Variants in LARP1 observed in about 807,000 individuals in gnomAD.
LARP1 encodes the protein La ribonucleoprotein 1, translational regulator.
LARP1 carries 36 observed loss-of-function variants against 122.7 expected under a neutral mutation model. The observed-to-expected ratio is 0.29, with a 90% CI of 0.22 to 0.39. The LOEUF (loss-of-function observed/expected upper bound fraction) is 0.39, where lower values mean the gene tolerates loss of function less well. Among genes scored for constraint, LARP1 ranks in the 10% least tolerant of loss-of-function variants. The probability of loss-of-function intolerance (pLI) is 1.00; values close to 1 mark genes in which losing one functional copy is unlikely to be tolerated. For synonymous variants in LARP1, 539 were observed against 528.7 expected (o/e 1.02, Z -0.27); for missense variants, 1,040 against 1,403.6 (o/e 0.74, Z 4.14).
chr5:154,777,215 T>C (rs1266049617), intron 1 of LARP1, among the ~76,000 whole-genome samples: 2 of 152,114 alleles, frequency 1.3e-5, no homozygotes, highest in Non-Finnish European at 2.9e-5. Context: ...GAAAAAGTAT[T>C]GTAGGTCGGC....
intron 18 of LARP1, 66 bp from the exon 19 acceptor site, chr5:154,813,821 G>A (rs189732701): frequency 6.7e-6 from 9 of 1,337,790 alleles, no homozygotes; most frequent in African/African-American, 1.4e-5. Context: ...GTGTCTAGAC[G>A]GGCCTGGCAA....
At position 154,700,965 on chromosome 5, in the gene LARP1, CA is replaced by C. The variant is rs796380216; in HGVS notation, c.-180+17939del. On this transcript the variant is annotated intron_variant, in intron 1 of 18. Transcript: ENST00000687700. ...TGGGTGTCAGAGAGAGACTCCATCT[CA>C]AAAAAAAAAAGAAAAAAATATTTGT... Among the ~76,000 whole-genome samples the C allele has an allele frequency of 4.9e-4, 68 of 137,720 alleles. 1 individual carries two copies. The highest frequency in any genetic ancestry group is 1.5e-3 in the Admixed American group (20 of 13,608). 90.3% of individuals were successfully genotyped at this position (137,720 alleles called of 152,430 possible). A position where few individuals can be genotyped will look rare whatever the true frequency, so the allele number is the denominator to read the frequency against.
intron 1 of LARP1, among the ~76,000 whole-genome samples, chr5:154,728,416 C>T (rs1020579831): frequency 1.3e-5 from 2 of 152,166 alleles, no homozygotes; most frequent in African/African-American, 4.8e-5. Flanking sequence ...CTTACTTTGA[C>T]CAATAGAGAT....
chr5:154,694,553 C>A lies in LARP1; in HGVS notation c.-180+11516C>A, dbSNP rs555910576. The stretch of plus-strand genomic sequence containing the variant: ...GAGATTACAGGTGTAAGCGACTATA[C>A]CTGGCCCACCATGCTTTAGACAATG... On this transcript the variant is annotated intron_variant, in intron 1 of 18. Transcript: ENST00000687700. Among the ~76,000 whole-genome samples, 234 of 152,268 alleles carry A rather than the reference C, an allele frequency of 1.5e-3. 1 individual carries two copies. The highest frequency in any genetic ancestry group is 5.2e-3 in the African/African-American group (215 of 41,536).
intron 1 of LARP1, among the ~76,000 whole-genome samples, chr5:154,700,989 T>C (rs979569359): frequency 3.3e-5 from 5 of 152,048 alleles, no homozygotes; most frequent in Non-Finnish European, 7.4e-5. Context: ...AAAAAATATT[T>C]GTAGAGATAG....
chr5:154,809,342 C>T (rs1206139131), intron 16 of LARP1, among the ~76,000 whole-genome samples: 3 of 145,426 alleles, frequency 2.1e-5, no homozygotes, highest in Non-Finnish European at 4.5e-5. Context: ...GACCTCCCCA[C>T]ACCCCCACCC....
At chr5:154,693,760 G>T (rs545520367) in intron 1 of LARP1, among the ~76,000 whole-genome samples, 34 of 152,016 alleles carry the variant, frequency 2.2e-4, no homozygotes, top group African/African-American at 7.5e-4. Flanking sequence ...GGAGGCTGAG[G>T]CAGGAGAACG....
chr5:154,753,322 A>G (rs922913770), upstream of LARP1, among the ~76,000 whole-genome samples: 22 of 152,304 alleles, frequency 1.4e-4, no homozygotes, highest in African/African-American at 5.3e-4. Context: ...GGCACGTGCC[A>G]GTGGTCCTAG....
At chr5:154,805,069 T>A (rs1466865735) in intron 14 of LARP1, 1 of 346,790 alleles carries the variant, frequency 2.9e-6, no homozygotes, top group Admixed American at 3.9e-5. Context: ...TTACATACTG[T>A]ATTCTTACAA....
intron 1 of LARP1, among the ~76,000 whole-genome samples, chr5:154,768,645 G>A (rs1273652315): frequency 4.6e-5 from 7 of 152,076 alleles, no homozygotes; most frequent in African/African-American, 1.4e-4. Flanking sequence ...GCAGTGGCGC[G>A]ATCTTGGCTC....
At position 154,811,650 on chromosome 5, in the gene LARP1, A is replaced by C. The variant is rs762875665; in HGVS notation, c.3081+10A>C. On this transcript the variant is annotated intron_variant, in intron 18 of 18. Transcript: ENST00000518297. ...AGACTTCCGAGTAGATGTAAGTGAA[A>C]CTCTTTCTCTAACTCTGCTTGTCCT... The C allele has an allele frequency of 6.8e-6, 11 of 1,613,928 alleles. No homozygotes were observed. Among genetic ancestry groups the C allele is most frequent in the Non-Finnish European group, 8.5e-6 (10 of 1,179,976 alleles).
At chr5:154,725,219 G>A (rs889932410) in intron 1 of LARP1, among the ~76,000 whole-genome samples, 5 of 151,746 alleles carry the variant, frequency 3.3e-5, no homozygotes, top group African/African-American at 9.7e-5. Flanking sequence ...GTAAAACCCC[G>A]TCTCTACTAA....
chr5:154,784,849 GAGA>G (rs1756758074), intron 1 of LARP1, among the ~76,000 whole-genome samples: 2 of 152,300 alleles, frequency 1.3e-5, no homozygotes, highest in African/African-American at 2.4e-5. Context: ...AGGATCTTTT[GAGA>G]AGAAGACAAT....
Position 154,803,522 on chromosome 5 carries a change from C to G in LARP1, c.2234-18C>G, listed in dbSNP as rs1027544711. ...CAGGCCTTTCCCTGCTTCCTGACTC[C>G]TCTCTCTGCCTCTGCAGTTCCTACG... On this transcript the variant is annotated intron_variant, in intron 12 of 18. Transcript: ENST00000518297. The surrounding 1 kb of genome is among the most constrained non-coding windows in gnomAD (Gnocchi z 4.4). The G allele has an allele frequency of 5.0e-6, 8 of 1,613,976 alleles. No homozygotes were observed. In the South Asian group the frequency reaches 5.5e-5, roughly 11 times the overall value.
chr5:154,803,229 A>G lies in LARP1; in HGVS notation c.2110-61A>G. ...AACTTCCTGCCAGTCTTGATTCCTT[A>G]AACAGGCTAGAGCAGCCTGCTTACT... On this transcript the variant is annotated intron_variant, in intron 11 of 18. Coordinates refer to ENST00000518297, the MANE Select transcript of LARP1 (RefSeq NM_033551.3). This position sits in a 1 kb window ranked among gnomAD's most constrained non-coding sequence, Gnocchi z 4.4. 6.2e-7 allele frequency: 1 copy of G among 1,607,044 alleles called. No homozygotes were observed. Among genetic ancestry groups the G allele is most frequent in the Non-Finnish European group, 8.5e-7 (1 of 1,174,170 alleles).
chr5:154,765,815 T>G (rs962635161), intron 1 of LARP1, among the ~76,000 whole-genome samples: 1 of 152,252 alleles, frequency 6.6e-6, no homozygotes, highest in African/African-American at 2.4e-5. Context: ...GAACATTTAG[T>G]GAAAGAATGA....
chr5:154,706,334 T>TAAA (rs1279798504), intron 1 of LARP1, among the ~76,000 whole-genome samples: 9 of 134,440 alleles, frequency 6.7e-5, no homozygotes, highest in African/African-American at 1.6e-4. Context: ...ATAATAATAA[T>TAAA]AAAATGTGGT....
chr5:154,754,538 A>C (rs891916631), upstream of LARP1, among the ~76,000 whole-genome samples: 1 of 152,202 alleles, frequency 6.6e-6, no homozygotes, highest in Non-Finnish European at 1.5e-5. Context: ...AACGACATCC[A>C]CTTGAAAGAA....
At chr5:154,810,162 G>C (rs1212767205) in intron 16 of LARP1, among the ~76,000 whole-genome samples, 2 of 152,020 alleles carry the variant, frequency 1.3e-5, no homozygotes, top group Admixed American at 6.5e-5. Context: ...TGGACTGGGT[G>C]CTGTGGCTCA....
Sources: gnomAD v4.1 joint callset for allele counts (sites outside exome capture counted in the v4.1 genomes callset) on GRCh38, gnomAD v4.1.1 for gene constraint, Gnocchi (gnomAD v3.1) non-coding constraint, MANE v1.5 for transcripts, NCBI Gene and HGNC (gene_info 2026-07-23, HGNC 2026-07-21) for gene names.